The following TBC1D9 variants were observed in gnomAD, a reference collection of about 807,000 sequenced individuals.
TBC1D9 encodes the protein TBC1 domain family member 9.
In TBC1D9, 63 loss-of-function variants were observed where a neutral mutation model predicts 132.0. The ratio of observed to expected loss-of-function variants is 0.48; its 90% CI spans 0.39 to 0.59. The LOEUF (loss-of-function observed/expected upper bound fraction) is 0.59, where lower values mean the gene tolerates loss of function less well. Among genes scored for constraint, TBC1D9 ranks in the 20% least tolerant of loss-of-function variants. The pLI, the probability that TBC1D9 is intolerant of heterozygous loss-of-function variation, is 0.00. For synonymous variants in TBC1D9, 610 were observed against 609.9 expected (o/e 1.00, Z 0.00); for missense variants, 1,261 against 1,592.7 (o/e 0.79, Z 3.54).
At chr4:140,675,479 T>C (rs1737609362) in intron 6 of TBC1D9, among the ~76,000 whole-genome samples, 1 of 152,116 alleles carries the variant, frequency 6.6e-6, no homozygotes, top group Non-Finnish European at 1.5e-5. Context: ...TGCTGGCCCC[T>C]GCACTGCCCT....
chr4:140,626,536 G>T (rs1267883124), intron 18 of TBC1D9, among the ~76,000 whole-genome samples: 1 of 152,140 alleles, frequency 6.6e-6, no homozygotes, highest in Non-Finnish European at 1.5e-5. Flanking sequence ...AGAGGCAAAA[G>T]AACCCAGGAG....
At chr4:140,709,248 T>TCTCACACACACACACACACA (rs1382500714) in intron 1 of TBC1D9, among the ~76,000 whole-genome samples, 1 of 104,148 alleles carries the variant, frequency 9.6e-6, no homozygotes, top group African/African-American at 4.4e-5. Flanking sequence ...TCTCTCTCTC[T>TCTCACACACACACACACACA]CACACACACA....
At chr4:140,661,394 T>G (rs1333585226) in intron 10 of TBC1D9, among the ~76,000 whole-genome samples, 1 of 152,190 alleles carries the variant, frequency 6.6e-6, no homozygotes, top group Non-Finnish European at 1.5e-5. Flanking sequence ...TTCAAGGACA[T>G]TATTACTTAA....
intron 1 of TBC1D9, among the ~76,000 whole-genome samples, chr4:140,703,843 T>C (rs1738109403): frequency 6.6e-6 from 1 of 152,230 alleles, no homozygotes. Context: ...TTCCACATTA[T>C]ATCACACACA....
intron 1 of TBC1D9, among the ~76,000 whole-genome samples, chr4:140,704,169 G>A (rs553310264): frequency 9.2e-5 from 14 of 152,178 alleles, no homozygotes; most frequent in African/African-American, 2.6e-4. Context: ...AGGCTGGGGC[G>A]GGTGGATCAC....
At chr4:140,639,050 T>C (rs1465732880) in intron 15 of TBC1D9, 36 bp downstream of exon 15, 1 of 1,469,924 alleles carries the variant, frequency 6.8e-7, no homozygotes, top group Non-Finnish European at 9.3e-7. Flanking sequence ...ACTCCTTTAC[T>C]CCTTTGAATG....
chr4:140,661,690 G>C (rs12331033), intron 10 of TBC1D9, among the ~76,000 whole-genome samples: 1 of 152,118 alleles, frequency 6.6e-6, no homozygotes, highest in East Asian at 1.9e-4. Context: ...GTAGGGGCCA[G>C]GGATGTTACT....
At chr4:140,679,225 G>T (rs1250558785) in intron 4 of TBC1D9, 22 bp from the exon 5 acceptor site, 2 of 1,601,334 alleles carry the variant, frequency 1.2e-6, no homozygotes, top group Admixed American at 3.4e-5. Flanking sequence ...GAACAAGCCT[G>T]GGTCAACATC....
chr4:140,743,668 G>C (rs540022264), intron 1 of TBC1D9, among the ~76,000 whole-genome samples: 13 of 152,306 alleles, frequency 8.5e-5, no homozygotes, highest in African/African-American at 3.1e-4. Context: ...CAGAACTCAA[G>C]GTGGTACCTA....
chr4:140,657,427 C>T (rs1737290691), intron 12 of TBC1D9, 100 bp downstream of exon 12: 2 of 1,362,986 alleles, frequency 1.5e-6, no homozygotes, highest in African/African-American at 2.9e-5. Context: ...AAGAAGCGGG[C>T]ATTATGATCA....
At chr4:140,732,423 T>C (rs1337467420) in intron 1 of TBC1D9, among the ~76,000 whole-genome samples, 1 of 152,226 alleles carries the variant, frequency 6.6e-6, no homozygotes, top group African/African-American at 2.4e-5. Flanking sequence ...TCTGCCTTAA[T>C]AGCCAGATAC....
At chr4:140,705,512 ATGTGTGTGTG>A (rs139885350) in intron 1 of TBC1D9, among the ~76,000 whole-genome samples, 8,034 of 142,160 alleles carry the variant, frequency 0.057, 715 homozygotes, top group African/African-American at 0.19. Flanking sequence ...GGGTGTGTGC[ATGTGTGTGTG>A]TGTGTGTGTG....
chr4:140,725,344 T>C (rs1738482214), intron 1 of TBC1D9, among the ~76,000 whole-genome samples: 1 of 152,206 alleles, frequency 6.6e-6, no homozygotes, highest in Non-Finnish European at 1.5e-5. Context: ...GTATGGTCTA[T>C]GCACCTGATT....
In TBC1D9 at chr4:140,622,661, G is replaced by T. The variant is rs113106660; in HGVS notation, c.3335C>A (p.Pro1112His). Residue 1112 changes from proline to histidine, a missense_variant, in exon 21 of 21, where the codon CCC becomes CAC. By Grantham distance (77) the Pro-to-His change is moderately conservative (BLOSUM62 -2). Coordinates refer to ENST00000442267, the MANE Select transcript of TBC1D9 (RefSeq NM_015130.3). Reference protein sequence around the residue: ...GQPYVVESVEPLPASLAPDSE... With the variant: ...GQPYVVESVEHLPASLAPDSE... ...GTCGGGGGCCAGGCTGGCCGGCAGGGGCTCAACAGACTCCACCACGTAAGG... is the reference window on the plus strand; with the variant it reads ...GTCGGGGGCCAGGCTGGCCGGCAGGTGCTCAACAGACTCCACCACGTAAGG... The T allele has an allele frequency of 3.7e-6, 6 of 1,610,522 alleles. No homozygotes were observed. The African/African-American group carries it at 5.3e-5, about 14-fold the overall frequency.
chr4:140,714,349 C>T (rs578242609), intron 1 of TBC1D9, among the ~76,000 whole-genome samples: 4 of 152,182 alleles, frequency 2.6e-5, no homozygotes, highest in East Asian at 1.9e-4. Context: ...CATCAATCAA[C>T]ACATGTAAGG....
Position 140,657,678 on chromosome 4 carries a change from T to C in TBC1D9, c.2056A>G (p.Met686Val). The C allele has an allele frequency of 6.2e-7, 1 of 1,614,012 alleles. No homozygotes were observed. Among genetic ancestry groups the C allele is most frequent in the Non-Finnish European group, 8.5e-7 (1 of 1,179,888 alleles). The change falls in exon 12 of 21, where the codon ATG becomes GTG. Residue 686 changes from methionine (M) to valine (V), a missense_variant. Transcript: ENST00000442267. ...ACCACAACTGCACTCTCAAAAGGCA[T>C]CACACTGAGAAATAGTGTGAGGAAC... ...SWFLTLFLSV[M>V]PFESAVVVVD...
In TBC1D9 at chr4:140,662,074, T is replaced by C. The variant is rs765190840; in HGVS notation, c.1622A>G (p.Tyr541Cys). 6.2e-7 allele frequency: 1 copy of C among 1,613,986 alleles called. No individual in the cohort carries two copies. The highest frequency in any genetic ancestry group is 8.5e-7 in the Non-Finnish European group (1 of 1,179,862). ...AINEKATHPGYYEDLVEKSMG... is the reference protein window; with the variant it reads ...AINEKATHPGCYEDLVEKSMG... Reference sequence around the variant, plus strand: ...GGACTTCTCCACTAGGTCTTCATAGTACCCAGGATGTGTGGCCTTCTCATT... The same window carrying C: ...GGACTTCTCCACTAGGTCTTCATAGCACCCAGGATGTGTGGCCTTCTCATT... The change falls in exon 10 of 21, where the codon TAC (tyrosine) becomes TGC (cysteine). Residue 541 changes from tyrosine to cysteine, a missense_variant. Transcript: ENST00000442267.
At chr4:140,658,554 A>C (rs1737306411) in intron 11 of TBC1D9, among the ~76,000 whole-genome samples, 1 of 152,138 alleles carries the variant, frequency 6.6e-6, no homozygotes, top group African/African-American at 2.4e-5. Context: ...AAATAATAAT[A>C]ATCCCAGCAC....
intron 3 of TBC1D9, among the ~76,000 whole-genome samples, chr4:140,684,972 T>G (rs1737758221): frequency 6.6e-6 from 1 of 152,198 alleles, no homozygotes; most frequent in Non-Finnish European, 1.5e-5. Context: ...ACAGAATCCA[T>G]GATTCCATGT....
Sources: gnomAD v4.1 joint callset for allele counts (sites outside exome capture counted in the v4.1 genomes callset) on GRCh38, gnomAD v4.1.1 for gene constraint, MANE v1.5 for transcripts, NCBI Gene and HGNC (gene_info 2026-07-23, HGNC 2026-07-21) for gene names.